Variants in LCA5 observed in about 807,000 individuals in gnomAD.
LCA5 encodes lebercilin LCA5.
In LCA5, 37 loss-of-function variants were observed where a neutral mutation model predicts 53.0. The observed-to-expected ratio is 0.70, with a 90% CI of 0.54 to 0.92. The LOEUF (loss-of-function observed/expected upper bound fraction) is 0.92, where lower values mean the gene tolerates loss of function less well. Ranked by LOEUF, LCA5 falls within the 40% of genes least tolerant of loss-of-function variation. LCA5 has a pLI of 0.00. For missense variants in LCA5, 806 were observed against 790.5 expected, an observed-to-expected ratio of 1.02 and a Z score of -0.23; for synonymous variants, 303 against 282.9, an observed-to-expected ratio of 1.07 and a Z score of -0.71.
At chr6:79,489,051 T>C in intron 7 of LCA5, 33 bp downstream of exon 7, 3 of 1,610,832 alleles carry the variant, frequency 1.9e-6, no homozygotes, top group Non-Finnish European at 2.5e-6. Flanking sequence ...GGATGCTGAC[T>C]TGTCACATGC....
intron 3 of LCA5, among the ~76,000 whole-genome samples, chr6:79,503,448 C>A (rs529911457): frequency 6.6e-6 from 1 of 152,022 alleles, no homozygotes; most frequent in Non-Finnish European, 1.5e-5. Flanking sequence ...AGTTTCAAAC[C>A]TTTTTTAAAA....
intron 1 of LCA5, among the ~76,000 whole-genome samples, chr6:79,522,918 A>T (rs1766666438): frequency 6.7e-6 from 1 of 150,212 alleles, no homozygotes. Context: ...TTTTTTTTTT[A>T]AAGAATCTTT....
chr6:79,514,856 A>G (rs1415879120), intron 2 of LCA5, among the ~76,000 whole-genome samples: 4 of 152,044 alleles, frequency 2.6e-5, no homozygotes, highest in Non-Finnish European at 1.5e-5. Context: ...ACTGGGGCCT[A>G]TTGGAGGGTG....
chr6:79,491,844 T>A (rs561830077), intron 5 of LCA5, 114 bp from the exon 6 acceptor site: 1 of 805,516 alleles, frequency 1.2e-6, no homozygotes, highest in African/African-American at 1.7e-5. Flanking sequence ...ACATGTACAT[T>A]TATATGCACC....
chr6:79,537,578 T>G (rs904393401), upstream of LCA5: 1 of 152,236 alleles, frequency 6.6e-6, no homozygotes, highest in Non-Finnish European at 1.5e-5. Context: ...CCGACCGCTC[T>G]AGCTGTAGCG....
chr6:79,488,774 A>C (rs1769748097), intron 7 of LCA5: 2 of 435,160 alleles, frequency 4.6e-6, no homozygotes, highest in Non-Finnish European at 7.9e-6. Flanking sequence ...ATATGTAAGA[A>C]CACCACAAGT....
intron 3 of LCA5, among the ~76,000 whole-genome samples, chr6:79,501,478 C>T (rs1427145285): frequency 1.3e-5 from 2 of 152,014 alleles, no homozygotes; most frequent in Non-Finnish European, 2.9e-5. Flanking sequence ...AACCTTCTCT[C>T]CAAGTTGACA....
chr6:79,513,131 T>G, intron 3 of LCA5, 81 bp downstream of exon 3: 1 of 1,329,584 alleles, frequency 7.5e-7, no homozygotes, highest in Non-Finnish European at 1.1e-6. Context: ...CAAACTGCAA[T>G]AAGCAATTTT....
rs1284262154 is a variant in LCA5 at position 79,492,582 on chromosome 6, A to T, written c.924T>A (p.Asn308Lys). Residue 308 changes from asparagine to lysine, a missense_variant, in exon 5 of 8, where the codon AAT becomes AAA. Coordinates refer to ENST00000369846, the MANE Select transcript of LCA5 (RefSeq NM_001122769.3). The part of the protein sequence containing the change: ...YSNRLPKSSP[N>K]KEKELALRKN... ...TTCTTAATGCAAGTTCTTTCTCTTT[A>T]TTTGGAGAGGACTTTGGCAGACGAT... The T allele has an allele frequency of 6.4e-7, 1 of 1,562,330 alleles. No homozygotes were observed. The highest frequency in any genetic ancestry group is 8.8e-7 in the Non-Finnish European group (1 of 1,139,150).
chr6:79,536,320 A>C (rs907176965), intron 1 of LCA5, among the ~76,000 whole-genome samples: 2 of 152,240 alleles, frequency 1.3e-5, no homozygotes, highest in African/African-American at 4.8e-5. Flanking sequence ...CCTCTGCCAA[A>C]AACTAAATGA....
intron 1 of LCA5, among the ~76,000 whole-genome samples, chr6:79,527,936 G>T (rs764929846): frequency 7.2e-5 from 11 of 152,118 alleles, no homozygotes; most frequent in Admixed American, 2.0e-4. Flanking sequence ...CCCTAAAAGG[G>T]TAAAAATAAT....
intron 3 of LCA5, among the ~76,000 whole-genome samples, chr6:79,504,451 C>T (rs568625897): frequency 6.6e-6 from 1 of 152,020 alleles, no homozygotes; most frequent in Non-Finnish European, 1.5e-5. Context: ...CATTTATGGA[C>T]AGAAAAAGGG....
At position 79,489,064 on chromosome 6, in the gene LCA5, A is replaced by AAACAAACTC. The variant is rs1228709851; in HGVS notation, c.1231+11_1231+19dup. 1.2e-6 allele frequency: 2 copies of AAACAAACTC among 1,612,296 alleles called. No individual in the cohort carries two copies. The highest frequency in any genetic ancestry group is 2.7e-5 in the African/African-American group (2 of 75,016). ...AGGGATGCTGACTTGTCACATGCTT[A>AAACAAACTC]AACAAACTCTTTTTCTTACCATCCT... On this transcript the variant is annotated intron_variant, in intron 7 of 7. Coordinates refer to ENST00000369846, the MANE Select transcript of LCA5 (RefSeq NM_001122769.3).
chr6:79,486,507 C>T lies in LCA5; in HGVS notation c.*497G>A, dbSNP rs114346256. On this transcript the variant is annotated 3_prime_UTR_variant, in exon 8 of 8. Transcript: ENST00000369846. Reference sequence around the variant, plus strand: ...ACTCAAGAGTAGCTTAGGACTGCCACGTAAGATAGGGACCCCTGGCCCTAT... The same window carrying T: ...ACTCAAGAGTAGCTTAGGACTGCCATGTAAGATAGGGACCCCTGGCCCTAT... The T allele has an allele frequency of 6.5e-3, 1,001 of 154,484 alleles. 11 individuals are homozygous for T. The highest frequency in any genetic ancestry group is 0.023 in the African/African-American group (957 of 41,554). 9.6% of individuals were successfully genotyped at this position (154,484 alleles called of 1,614,324 possible).
At position 79,487,471 on chromosome 6, in the gene LCA5, T is replaced by A; in HGVS notation, c.1627A>T (p.Arg543Ter). 2 of 1,614,060 alleles carry A rather than the reference T, an allele frequency of 1.2e-6. No homozygotes were observed. The highest frequency in any genetic ancestry group is 1.7e-6 in the Non-Finnish European group (2 of 1,179,930). The change falls in exon 8 of 8, where the codon AGA becomes TGA. Residue 543 changes from arginine to a stop codon, truncating the protein, a stop_gained. Coordinates refer to ENST00000369846, the MANE Select transcript of LCA5 (RefSeq NM_001122769.3). LOFTEE classifies it low-confidence loss of function (END_TRUNC). ...AACTCATTAGGGGAGGCTGGACTTC[T>A]AACATTTCCTGAATTCTGACCTTCT... ...KGEGQNSGNV[R>*]SPASPNEFAF...
rs749281365 is a variant in LCA5, at chr6:79,489,167, T to G, written c.1148A>C (p.Asn383Thr). 1 of 1,612,890 alleles carries G rather than the reference T, an allele frequency of 6.2e-7. No individual in the cohort carries two copies. The highest frequency in any genetic ancestry group is 8.5e-7 in the Non-Finnish European group (1 of 1,179,658). The part of the protein sequence containing the change: ...QDRHGEAGIL[N>T]PIMEREEKFV... Reference sequence around the variant, plus strand: ...TTTTTCTTCTCTTTCCATAATTGGGTTTAGAATCCCTGCTTCTCCATGCCT... The same window carrying G: ...TTTTTCTTCTCTTTCCATAATTGGGGTTAGAATCCCTGCTTCTCCATGCCT... The change falls in exon 7 of 8, where the codon AAC becomes ACC. Residue 383 changes from asparagine (N) to threonine (T), a missense_variant. Coordinates refer to ENST00000369846, the MANE Select transcript of LCA5 (RefSeq NM_001122769.3).
intron 3 of LCA5, among the ~76,000 whole-genome samples, chr6:79,501,683 G>A (rs1437846357): frequency 6.7e-6 from 1 of 150,240 alleles, no homozygotes; most frequent in East Asian, 2.0e-4. Flanking sequence ...ATTGTATATA[G>A]TATATTGTAT....
intron 1 of LCA5, among the ~76,000 whole-genome samples, chr6:79,523,688 G>A (rs372767284): frequency 2.6e-5 from 4 of 152,254 alleles, no homozygotes; most frequent in East Asian, 1.9e-4. Flanking sequence ...TTACATTTGC[G>A]TAGCAGAAGT....
At chr6:79,512,519 C>T (rs952819090) in intron 3 of LCA5, among the ~76,000 whole-genome samples, 1 of 152,108 alleles carries the variant, frequency 6.6e-6, no homozygotes, top group African/African-American at 2.4e-5. Flanking sequence ...CCTTTGCTCA[C>T]GCTCACAGCA....
Sources: allele counts gnomAD v4.1 joint callset (sites outside exome capture counted in the v4.1 genomes callset), GRCh38; gene constraint gnomAD v4.1.1; transcripts MANE v1.5; gene names NCBI Gene and HGNC (gene_info 2026-07-23, HGNC 2026-07-21).